The following FNDC3B variants were observed in gnomAD, a reference collection of about 807,000 sequenced individuals.
The protein encoded by FNDC3B is fibronectin type III domain-containing protein 3B.
A neutral mutation model predicts 151.5 loss-of-function variants in FNDC3B; 12 were observed. That is an observed-to-expected ratio of 0.08 (90% CI 0.05 to 0.13). FNDC3B has a LOEUF of 0.13. FNDC3B is among the 10% of genes least tolerant of loss of function. The pLI is 1.00. For missense variants in FNDC3B, 1,214 were observed against 1,505.3 expected, an observed-to-expected ratio of 0.81 and a Z score of 3.20; for synonymous variants, 528 against 549.0, an observed-to-expected ratio of 0.96 and a Z score of 0.54.
At chr3:172,231,315 G>A (rs565309984) in intron 4 of FNDC3B, among the ~76,000 whole-genome samples, 53 of 152,202 alleles carry the variant, frequency 3.5e-4, no homozygotes, top group Non-Finnish European at 7.2e-4. Flanking sequence ...GGAGTTAATG[G>A]GGTATGCTGT....
chr3:172,204,228 A>G (rs992072564), intron 3 of FNDC3B, among the ~76,000 whole-genome samples: 2 of 152,224 alleles, frequency 1.3e-5, no homozygotes, highest in Non-Finnish European at 2.9e-5. Context: ...TGTAGCATCC[A>G]TAGTCTCATC....
At chr3:172,387,002 G>A (rs1735751804) in intron 25 of FNDC3B, among the ~76,000 whole-genome samples, 1 of 152,066 alleles carries the variant, frequency 6.6e-6, no homozygotes, top group Non-Finnish European at 1.5e-5. Context: ...TGTCGCCCAG[G>A]CTGGAGTACA....
chr3:172,152,606 G>C (rs1320069803), intron 3 of FNDC3B, among the ~76,000 whole-genome samples: 2 of 128,292 alleles, frequency 1.6e-5, no homozygotes, highest in Non-Finnish European at 3.2e-5. Context: ...TTCAAACCTG[G>C]TATTTTTGGA....
At chr3:172,363,345 T>G (rs914587228) in intron 23 of FNDC3B, among the ~76,000 whole-genome samples, 1 of 152,150 alleles carries the variant, frequency 6.6e-6, no homozygotes, top group African/African-American at 2.4e-5. Context: ...AAATAGGAGA[T>G]TCTTCATAAA....
intron 3 of FNDC3B, among the ~76,000 whole-genome samples, chr3:172,194,700 G>A (rs1465415007): frequency 6.6e-6 from 1 of 152,198 alleles, no homozygotes; most frequent in Non-Finnish European, 1.5e-5. Context: ...GTCCAGCACT[G>A]AAGAGTCATA....
intron 1 of FNDC3B, among the ~76,000 whole-genome samples, chr3:172,085,071 T>A (rs1718482888): frequency 6.6e-6 from 1 of 152,178 alleles, no homozygotes; most frequent in African/African-American, 2.4e-5. Context: ...TGCTACAAGG[T>A]GATGAGATCA....
At chr3:172,157,020 G>C (rs1003969050) in intron 3 of FNDC3B, among the ~76,000 whole-genome samples, 1 of 152,174 alleles carries the variant, frequency 6.6e-6, no homozygotes, top group Non-Finnish European at 1.5e-5. Context: ...GTGAAAAGTT[G>C]TAAGGGGATT....
chr3:172,308,482 G>A (rs1178426995), intron 10 of FNDC3B, among the ~76,000 whole-genome samples: 1 of 152,212 alleles, frequency 6.6e-6, no homozygotes, highest in East Asian at 1.9e-4. Context: ...AAAATGGCTA[G>A]GAAGATCCAT....
At chr3:172,165,515 AC>A (rs1722964505) in intron 3 of FNDC3B, among the ~76,000 whole-genome samples, 2 of 152,318 alleles carry the variant, frequency 1.3e-5, no homozygotes, top group Admixed American at 6.5e-5. Context: ...TATGTTTTAT[AC>A]CAAAATATAG....
intron 21 of FNDC3B, among the ~76,000 whole-genome samples, chr3:172,351,565 T>A (rs1733853755): frequency 6.6e-6 from 1 of 152,330 alleles, no homozygotes; most frequent in African/African-American, 2.4e-5. Context: ...CTGAAGGAAT[T>A]TGAACCAAAA....
intron 3 of FNDC3B, among the ~76,000 whole-genome samples, chr3:172,138,064 A>G (rs1237204891): frequency 6.6e-6 from 1 of 152,180 alleles, no homozygotes; most frequent in East Asian, 1.9e-4. Flanking sequence ...TACACATGCC[A>G]TCTCTTTATC....
intron 6 of FNDC3B, among the ~76,000 whole-genome samples, chr3:172,261,818 A>T (rs940120956): frequency 1.3e-5 from 2 of 151,930 alleles, no homozygotes; most frequent in Non-Finnish European, 2.9e-5. Context: ...TTTTTCTCTG[A>T]ATTTGCTTTT....
chr3:172,352,786 G>A lies in FNDC3B; in HGVS notation c.2515-17G>A. The A allele has an allele frequency of 6.2e-7, 1 of 1,609,680 alleles. No homozygotes were observed. The highest frequency in any genetic ancestry group is 8.5e-7 in the Non-Finnish European group (1 of 1,178,514). ...AATGGTGTAATATGGCCTTTGTCTT[G>A]CTGTTCTGTTTTGTAGGCCTTCAAT... On this transcript the variant is annotated splice_polypyrimidine_tract_variant and intron_variant, in intron 21 of 25. Coordinates refer to ENST00000415807, the MANE Select transcript of FNDC3B (RefSeq NM_022763.4). This position sits in a 1 kb window ranked among gnomAD's most constrained non-coding sequence, Gnocchi z 4.2.
intron 3 of FNDC3B, among the ~76,000 whole-genome samples, chr3:172,208,330 G>A (rs1396562543): frequency 1.3e-5 from 2 of 152,174 alleles, no homozygotes; most frequent in Non-Finnish European, 1.5e-5. Context: ...TGGACATGCT[G>A]TGTACTGTCA....
chr3:172,119,012 C>CA (rs1720402950), intron 2 of FNDC3B, among the ~76,000 whole-genome samples: 1 of 150,576 alleles, frequency 6.6e-6, no homozygotes, highest in African/African-American at 2.4e-5. Flanking sequence ...ACTAAAAATA[C>CA]AAAAAAAATT....
intron 1 of FNDC3B, among the ~76,000 whole-genome samples, chr3:172,066,581 GAGCCATTTAGTAAAGCTTGGTC>G (rs1717510259): frequency 6.6e-6 from 1 of 152,212 alleles, no homozygotes; most frequent in Non-Finnish European, 1.5e-5. Flanking sequence ...TGTCTGGGTT[GAGCCATTTAGTAAAGCTTGGTC>G]ACAAGGCTCA....
intron 15 of FNDC3B, among the ~76,000 whole-genome samples, chr3:172,335,993 T>C (rs561527860): frequency 9.9e-5 from 15 of 152,250 alleles, no homozygotes; most frequent in African/African-American, 3.6e-4. Context: ...ATGATAAAAA[T>C]CTAGATGTGC....
At chr3:172,135,150 G>A (rs1430811277) in intron 3 of FNDC3B, among the ~76,000 whole-genome samples, 1 of 152,144 alleles carries the variant, frequency 6.6e-6, no homozygotes, top group Non-Finnish European at 1.5e-5. Context: ...ACAACTGAGT[G>A]TGTGTAATAG....
intron 22 of FNDC3B, among the ~76,000 whole-genome samples, chr3:172,359,667 G>A (rs971685647): frequency 2.0e-5 from 3 of 152,136 alleles, no homozygotes; most frequent in African/African-American, 7.2e-5. Context: ...CGAAAAATAT[G>A]TTACATTCCA....
Sources: gnomAD v4.1 joint callset for allele counts (sites outside exome capture counted in the v4.1 genomes callset) on GRCh38, gnomAD v4.1.1 for gene constraint, Gnocchi (gnomAD v3.1) non-coding constraint, MANE v1.5 for transcripts, NCBI Gene and HGNC (gene_info 2026-07-23, HGNC 2026-07-21) for gene names.